Variants in SPTLC2 observed in about 807,000 individuals in gnomAD.
SPTLC2 encodes serine palmitoyltransferase long chain base subunit 2.
SPTLC2 carries 21 observed loss-of-function variants against 62.0 expected under a neutral mutation model. The ratio of observed to expected loss-of-function variants is 0.34; its 90% confidence interval spans 0.24 to 0.49. The LOEUF is 0.49. SPTLC2 is among the 20% of genes least tolerant of loss of function. SPTLC2 has a pLI of 0.99. For missense variants in SPTLC2, 511 were observed against 713.0 expected, an observed-to-expected ratio of 0.72 and a Z score of 3.23; for synonymous variants, 261 against 261.8, an observed-to-expected ratio of 1.00 and a Z score of 0.03.
rs190934369 is a variant in SPTLC2 at position 77,571,851 on chromosome 14, C to T, written c.632-1343G>A. 5.2e-3 allele frequency among the ~76,000 whole-genome samples: 798 copies of T among 152,140 alleles called. 9 individuals carry two copies. Among genetic ancestry groups the T allele is most frequent in the African/African-American group, 0.019 (772 of 41,516 alleles). ...TGTCGCCCAGGCTGGAGTGCAGTGG[C>T]GCAATCTCAGCTCACTGCAACCTCC... On this transcript the variant is annotated intron_variant, in intron 4 of 11. Coordinates refer to ENST00000216484, the MANE Select transcript of SPTLC2 (RefSeq NM_004863.4).
At chr14:77,583,426 T>TTCAG (rs1015009649) in intron 2 of SPTLC2, among the ~76,000 whole-genome samples, 1 of 152,050 alleles carries the variant, frequency 6.6e-6, no homozygotes, top group African/African-American at 2.4e-5. Flanking sequence ...GGGTAATCTT[T>TTCAG]TCATTCATTC....
rs1176927513 is a variant in SPTLC2, at chr14:77,529,247, CTTCTTCT to C, written c.1304-7673_1304-7667del. On this transcript the variant is annotated intron_variant, in intron 9 of 11. Coordinates refer to ENST00000216484, the MANE Select transcript of SPTLC2 (RefSeq NM_004863.4). The stretch of plus-strand genomic sequence containing the variant: ...TTCCTGTGAAGTTTCTCTTTGAAAA[CTTCTTCT>C]TTTTTTTTTTTTTTTTTTTTTAACA... Among the ~76,000 whole-genome samples the C allele has an allele frequency of 5.6e-4, 45 of 80,798 alleles. 1 individual carries two copies. Among genetic ancestry groups the C allele is most frequent in the Non-Finnish European group, 9.8e-4 (37 of 37,922 alleles). 53.0% of individuals were successfully genotyped at this position (80,798 alleles called of 152,430 possible).
chr14:77,584,142 G>A (rs1291752460), intron 2 of SPTLC2, among the ~76,000 whole-genome samples: 1 of 152,134 alleles, frequency 6.6e-6, no homozygotes, highest in African/African-American at 2.4e-5. Context: ...ATCCTTTACT[G>A]GTTAAGCCTA....
Position 77,531,499 on chromosome 14 carries a change from TC to T in SPTLC2, c.1304-9919del, listed in dbSNP as rs1474041481. 1.9e-3 allele frequency among the ~76,000 whole-genome samples: 160 copies of T among 82,420 alleles called. 1 individual carries two copies. Among genetic ancestry groups the T allele is most frequent in the Middle Eastern group, 6.8e-3 (1 of 146 alleles). The allele number at this position is 82,420 out of a possible 152,430, so 54.1% of individuals were successfully genotyped here. On this transcript the variant is annotated intron_variant, in intron 9 of 11. Transcript: ENST00000216484. ...CCCCTCCCCCTCCTCCTCCTCCTCC[TC>T]CTCCTCCTCTTCTTCTTCTTCTTCT... is the stretch of plus-strand genomic sequence containing the variant.
chr14:77,518,890 C>A (rs2079371867), intron 10 of SPTLC2, among the ~76,000 whole-genome samples: 1 of 152,226 alleles, frequency 6.6e-6, no homozygotes, highest in African/African-American at 2.4e-5. Context: ...GCCAGTTCAC[C>A]CGCTGGCTTC....
rs145629888 is a variant in SPTLC2 at position 77,531,420 on chromosome 14, TTTCTTCTTC to T, written c.1304-9848_1304-9840del. ...GTTATTTCTTCACAGGGACCATGAC[TTTCTTCTTC>T]TTCTTCTTCTTCTTCTCCTCCTTCT... On this transcript the variant is annotated intron_variant, in intron 9 of 11. Coordinates refer to ENST00000216484, the MANE Select transcript of SPTLC2 (RefSeq NM_004863.4). Among the ~76,000 whole-genome samples the T allele has an allele frequency of 6.8e-3, 881 of 129,716 alleles. 22 individuals are homozygous for T. The highest frequency in any genetic ancestry group is 0.027 in the African/African-American group (804 of 29,648). The allele number at this position is 129,716 out of a possible 152,430, so 85.1% of individuals were successfully genotyped here.
In SPTLC2 at chr14:77,616,622, G is replaced by GGCA; in HGVS notation, c.-46_-44dup. ...GCGCAAGGCAGGCTCTGTAGGCGGTGGCAGCGGCGGCGGCTGCTCCAAGTC... is the reference window on the plus strand; with the variant it reads ...GCGCAAGGCAGGCTCTGTAGGCGGTGGCAGCAGCGGCGGCGGCTGCTCCAAGTC... On this transcript the variant is annotated 5_prime_UTR_variant, in exon 1 of 12. Transcript: ENST00000216484. 1 of 1,523,414 alleles carries GGCA rather than the reference G, an allele frequency of 6.6e-7. No homozygotes were observed. The allele number at this position is 1,523,414 out of a possible 1,614,324, so 94.4% of individuals were successfully genotyped here.
At chr14:77,562,282 G>T in intron 6 of SPTLC2, 114 bp downstream of exon 6, 1 of 910,090 alleles carries the variant, frequency 1.1e-6, no homozygotes, top group Non-Finnish European at 1.8e-6. Flanking sequence ...TTTAAATGTT[G>T]CTACTTTGTC....
Position 77,564,236 on chromosome 14 carries a change from GA to G in SPTLC2, c.757-1748del, listed in dbSNP as rs3080470. 5.2e-3 allele frequency among the ~76,000 whole-genome samples: 570 copies of G among 110,620 alleles called. 11 individuals carry two copies. Among genetic ancestry groups the G allele is most frequent in the African/African-American group, 0.017 (503 of 29,404 alleles). 72.6% of individuals were successfully genotyped at this position (110,620 alleles called of 152,430 possible). On this transcript the variant is annotated intron_variant, in intron 5 of 11. Transcript: ENST00000216484. ...AACAGAGGGAGACTCTGTCTGGGGG[GA>G]AAAAAAAAAAAAAAAGGAGGAGGAG... is the stretch of plus-strand genomic sequence containing the variant.
At chr14:77,587,828 G>T (rs2079790924) in intron 2 of SPTLC2, among the ~76,000 whole-genome samples, 1 of 150,858 alleles carries the variant, frequency 6.6e-6, no homozygotes, top group African/African-American at 2.4e-5. Flanking sequence ...ACTACTAAAA[G>T]ATTTCAAGAC....
At chr14:77,614,734 GC>G (rs1413722905) in intron 1 of SPTLC2, among the ~76,000 whole-genome samples, 3 of 151,200 alleles carry the variant, frequency 2.0e-5, no homozygotes, top group African/African-American at 7.3e-5. Context: ...ACTTTTGGAG[GC>G]CAAGGCAGGC....
chr14:77,571,561 T>G (rs1260441612), intron 4 of SPTLC2, among the ~76,000 whole-genome samples: 1 of 151,732 alleles, frequency 6.6e-6, no homozygotes, highest in Non-Finnish European at 1.5e-5. Context: ...CTGGTAAATT[T>G]GTACCGCAAT....
intron 1 of SPTLC2, among the ~76,000 whole-genome samples, chr14:77,600,171 C>T (rs992067143): frequency 6.6e-6 from 1 of 152,112 alleles, no homozygotes; most frequent in African/African-American, 2.4e-5. Flanking sequence ...GCTGGACTCT[C>T]TAGGAAGGAG....
chr14:77,570,412 G>T lies in SPTLC2; in HGVS notation c.728C>A (p.Ser243Ter). The T allele has an allele frequency of 6.2e-7, 1 of 1,613,694 alleles. No individual in the cohort carries two copies. The highest frequency in any genetic ancestry group is 1.1e-5 in the South Asian group (1 of 91,068). ...GCCAACAAGAGCAGGAATGTTCATT[G>T]AATTCGTTGCAAATCCCATGCCATA... ...MAYGMGFATN[S>*]MNIPALVGKG... Residue 243 changes from serine (S) to a stop codon, truncating the protein, a stop_gained, in exon 5 of 12, where the codon TCA becomes TAA. Coordinates refer to ENST00000216484, the MANE Select transcript of SPTLC2 (RefSeq NM_004863.4). LOFTEE classifies it high-confidence loss of function.
Position 77,507,538 on chromosome 14 carries a change from GC to G in SPTLC2, c.*4745del, listed in dbSNP as rs1239624952. On this transcript the variant is annotated 3_prime_UTR_variant, in exon 12 of 12. Coordinates refer to ENST00000216484, the MANE Select transcript of SPTLC2 (RefSeq NM_004863.4). Reference sequence around the variant, plus strand: ...GTAGAGATGAGGTTTCGCCATGTTGGCCAGACTGTTCTCGAACTCCTGGCCT... The same window carrying G: ...GTAGAGATGAGGTTTCGCCATGTTGGCAGACTGTTCTCGAACTCCTGGCCT... The G allele has an allele frequency of 6.6e-6, 1 of 152,172 alleles. No homozygotes were observed. Among genetic ancestry groups the G allele is most frequent in the South Asian group, 2.1e-4 (1 of 4,828 alleles). The allele number at this position is 152,172 out of a possible 1,614,324, so 9.4% of individuals were successfully genotyped here. A position where few individuals can be genotyped will look rare whatever the true frequency, so the allele number is the denominator to read the frequency against.
intron 9 of SPTLC2, among the ~76,000 whole-genome samples, chr14:77,536,364 T>C (rs527611829): frequency 2.8e-4 from 42 of 152,224 alleles, no homozygotes; most frequent in African/African-American, 8.7e-4. Context: ...CAGGTATTTT[T>C]TGGTTTTTTT....
At chr14:77,536,571 T>A (rs903897172) in intron 9 of SPTLC2, among the ~76,000 whole-genome samples, 1 of 152,188 alleles carries the variant, frequency 6.6e-6, no homozygotes, top group African/African-American at 2.4e-5. Context: ...GAAACCAGTA[T>A]CCATTAGCAA....
At chr14:77,556,974 T>A (rs2079587576) in intron 7 of SPTLC2, 67 bp downstream of exon 7, 7 of 1,310,496 alleles carry the variant, frequency 5.3e-6, no homozygotes, top group Non-Finnish European at 7.7e-6. Flanking sequence ...AATGTTCCCT[T>A]CAGTTAAAAA....
chr14:77,577,164 G>A (rs1450022776), intron 3 of SPTLC2, among the ~76,000 whole-genome samples: 2 of 133,556 alleles, frequency 1.5e-5, no homozygotes, highest in Admixed American at 8.5e-5. Context: ...ACAGGACACT[G>A]TACATAAGAA....
Sources: allele counts gnomAD v4.1 joint callset (sites outside exome capture counted in the v4.1 genomes callset), GRCh38; gene constraint gnomAD v4.1.1; transcripts MANE v1.5; gene names NCBI Gene and HGNC (gene_info 2026-07-23, HGNC 2026-07-21).